UNC5C: variants seen among roughly 807,000 people sequenced by gnomAD.
UNC5C encodes the protein unc-5 netrin receptor C.
UNC5C carries 47 observed loss-of-function variants against 99.8 expected under a neutral mutation model. That is an observed-to-expected ratio of 0.47 (90% CI 0.37 to 0.60). UNC5C has a LOEUF of 0.60. Among genes scored for constraint, UNC5C ranks in the 20% least tolerant of loss-of-function variants. The pLI, the probability that UNC5C is intolerant of heterozygous loss-of-function variation, is 0.00. For missense variants in UNC5C, 1,062 were observed against 1,165.9 expected (o/e 0.91, Z 1.30); for synonymous variants, 487 against 452.2 (o/e 1.08, Z -0.98).
At chr4:95,245,243 T>C in intron 5 of UNC5C, 99 bp from the exon 6 acceptor site, 1 of 1,318,902 alleles carries the variant, frequency 7.6e-7, no homozygotes. Context: ...AAAGAGTTAT[T>C]TTCCAAGCGA....
intron 2 of UNC5C, among the ~76,000 whole-genome samples, chr4:95,323,806 G>A (rs537983908): frequency 1.3e-5 from 2 of 152,290 alleles, no homozygotes; most frequent in Non-Finnish European, 2.9e-5. Context: ...GGGAGGCCAA[G>A]GCAGGTGGAT....
intron 8 of UNC5C, 68 bp from the exon 9 acceptor site, chr4:95,219,381 C>T: frequency 6.9e-7 from 1 of 1,454,518 alleles, no homozygotes; most frequent in South Asian, 1.3e-5. Context: ...TAGTCAGACT[C>T]CCCCTCACAC....
At chr4:95,395,083 T>G (rs1393033926) in intron 1 of UNC5C, among the ~76,000 whole-genome samples, 1 of 152,182 alleles carries the variant, frequency 6.6e-6, no homozygotes, top group African/African-American at 2.4e-5. Context: ...GGAAATGATA[T>G]GGTGGAGCTC....
intron 14 of UNC5C, among the ~76,000 whole-genome samples, chr4:95,182,433 A>C (rs1736648921): frequency 6.6e-6 from 1 of 152,060 alleles, no homozygotes; most frequent in Admixed American, 6.5e-5. Context: ...GGAGCAGAGA[A>C]GCCCCTCTCC....
chr4:95,359,321 T>A (rs953453131), intron 1 of UNC5C, among the ~76,000 whole-genome samples: 7 of 151,904 alleles, frequency 4.6e-5, no homozygotes, highest in African/African-American at 1.7e-4. Context: ...TAATGTTTTA[T>A]TTGTTTACAA....
chr4:95,297,355 T>G (rs1391334348), intron 3 of UNC5C, among the ~76,000 whole-genome samples: 1 of 152,190 alleles, frequency 6.6e-6, no homozygotes, highest in African/African-American at 2.4e-5. Flanking sequence ...AGAAAATCTA[T>G]TTAGACATTC....
intron 1 of UNC5C, among the ~76,000 whole-genome samples, chr4:95,514,165 C>T (rs1722151683): frequency 6.6e-6 from 1 of 151,982 alleles, no homozygotes; most frequent in Non-Finnish European, 1.5e-5. Flanking sequence ...GATAATTGTT[C>T]AAAAATTGTC....
At chr4:95,529,184 C>T (rs919584462) in intron 1 of UNC5C, among the ~76,000 whole-genome samples, 11 of 150,408 alleles carry the variant, frequency 7.3e-5, no homozygotes, top group Non-Finnish European at 1.6e-4. Flanking sequence ...ACTAATACTT[C>T]CAGAATTGGA....
chr4:95,384,464 C>T (rs541193677), intron 1 of UNC5C, among the ~76,000 whole-genome samples: 1 of 152,234 alleles, frequency 6.6e-6, no homozygotes, highest in African/African-American at 2.4e-5. Context: ...CCAGGGCACT[C>T]TAAACACTCA....
intron 1 of UNC5C, among the ~76,000 whole-genome samples, chr4:95,385,004 T>G (rs1447785852): frequency 6.9e-6 from 1 of 144,590 alleles, no homozygotes; most frequent in Non-Finnish European, 1.5e-5. Context: ...GAGACAGGAG[T>G]GCTTCATGTT....
chr4:95,182,698 C>T (rs564202378), intron 14 of UNC5C, among the ~76,000 whole-genome samples, 199 bp downstream of exon 14: 2 of 152,118 alleles, frequency 1.3e-5, no homozygotes, highest in South Asian at 4.1e-4. Context: ...CAAAAAGGAT[C>T]CCTTAATATA....
chr4:95,478,299 T>G (rs945377603), intron 1 of UNC5C, among the ~76,000 whole-genome samples: 2 of 151,950 alleles, frequency 1.3e-5, no homozygotes, highest in African/African-American at 2.4e-5. Context: ...GCTCCATGAT[T>G]GACAGGACAA....
chr4:95,237,048 A>G (rs1014832921), intron 7 of UNC5C, among the ~76,000 whole-genome samples: 17 of 152,208 alleles, frequency 1.1e-4, no homozygotes, highest in African/African-American at 4.1e-4. Context: ...TGTATACTTT[A>G]AACCATCTCT....
At chr4:95,384,384 G>C (rs1685874401) in intron 1 of UNC5C, among the ~76,000 whole-genome samples, 1 of 152,092 alleles carries the variant, frequency 6.6e-6, no homozygotes, top group Admixed American at 6.6e-5. Flanking sequence ...GGGCATGCAG[G>C]GGAAAAGTTT....
intron 14 of UNC5C, among the ~76,000 whole-genome samples, chr4:95,178,747 A>G (rs1035181484): frequency 6.6e-6 from 1 of 152,098 alleles, no homozygotes; most frequent in African/African-American, 2.4e-5. Context: ...TCACATATTC[A>G]TGTTGTCCCC....
At chr4:95,423,154 TG>T (rs1178429712) in intron 1 of UNC5C, among the ~76,000 whole-genome samples, 4 of 152,142 alleles carry the variant, frequency 2.6e-5, no homozygotes, top group African/African-American at 9.7e-5. Context: ...ATGAGAGGAT[TG>T]TATCTTTTGC....
intron 7 of UNC5C, among the ~76,000 whole-genome samples, chr4:95,239,137 T>C (rs1739234268): frequency 6.6e-6 from 1 of 152,220 alleles, no homozygotes; most frequent in South Asian, 2.1e-4. Flanking sequence ...GTGTGGCTTA[T>C]TTTTGTCTTA....
At chr4:95,335,319 A>G (rs531141978) in intron 2 of UNC5C, 91 bp downstream of exon 2, 3 of 1,201,458 alleles carry the variant, frequency 2.5e-6, no homozygotes, top group South Asian at 3.5e-5. Flanking sequence ...TCCATTTTCC[A>G]TTCCACTAAT....
At chr4:95,195,086 T>G (rs2149357033) in intron 12 of UNC5C, among the ~76,000 whole-genome samples, 1 of 152,326 alleles carries the variant, frequency 6.6e-6, no homozygotes, top group South Asian at 2.1e-4. Context: ...AGCCATTATC[T>G]TCAAAATGCC....
Sources: gnomAD v4.1 joint callset for allele counts (sites outside exome capture counted in the v4.1 genomes callset) on GRCh38, gnomAD v4.1.1 for gene constraint, MANE v1.5 for transcripts, NCBI Gene and HGNC (gene_info 2026-07-23, HGNC 2026-07-21) for gene names.